Variants in GPALPP1 observed in about 807,000 individuals in gnomAD.
GPALPP1 encodes the protein GPALPP motifs-containing protein 1.
A neutral mutation model predicts 38.9 loss-of-function variants in GPALPP1; 30 were observed. That is an observed-to-expected ratio of 0.77 (90% CI 0.58 to 1.05). GPALPP1 has a LOEUF of 1.05. Among genes scored for constraint, GPALPP1 ranks in the 50% least tolerant of loss-of-function variants. GPALPP1 has a pLI of 0.00. For synonymous variants in GPALPP1, 120 were observed against 139.2 expected (o/e 0.86, Z 0.97); for missense variants, 384 against 408.8 (o/e 0.94, Z 0.52).
Position 45,015,431 on chromosome 13 carries a change from G to A in GPALPP1, c.541-1G>A. 1 of 1,545,626 alleles carries A rather than the reference G, an allele frequency of 6.5e-7. No homozygotes were observed. Among genetic ancestry groups the A allele is most frequent in the Middle Eastern group, 1.7e-4 (1 of 5,758 alleles). ...TGCTGTGTTTTTTTTTTCTCTTAAA[G>A]GATTCATCTAAACCCATTGTAAGAG... is the stretch of plus-strand genomic sequence containing the variant. On this transcript the variant is annotated splice_acceptor_variant, in intron 5 of 7. Transcript: ENST00000379151. LOFTEE classifies it high-confidence loss of function.
In GPALPP1 at chr13:45,027,940, A is replaced by C. The variant is rs146868231; in HGVS notation, c.960A>C (p.Leu320=). 2 of 1,611,722 alleles carry C rather than the reference A, an allele frequency of 1.2e-6. No homozygotes were observed. Among genetic ancestry groups the C allele is most frequent in the South Asian group, 1.1e-5 (1 of 91,008 alleles). The change falls in exon 8 of 8, where the codon CTA becomes CTC. Residue 320 remains leucine, a synonymous_variant. Coordinates refer to ENST00000379151, the MANE Select transcript of GPALPP1 (RefSeq NM_018559.5). The stretch of plus-strand genomic sequence containing the variant: ...TTGATGAAGCTCAGAAAAAAGCCCT[A>C]ATAAAAAAATCTAGAGAACTAAACA... ...NRFDEAQKKA[L]IKKSRELNTR...
At chr13:44,998,758 C>G (rs775461264) in intron 1 of GPALPP1, among the ~76,000 whole-genome samples, 1 of 152,128 alleles carries the variant, frequency 6.6e-6, no homozygotes, top group Non-Finnish European at 1.5e-5. Context: ...ATGATTTAAC[C>G]ATGTCATGGG....
chr13:45,022,352 T>C (rs982174676), intron 7 of GPALPP1, among the ~76,000 whole-genome samples: 6 of 152,150 alleles, frequency 3.9e-5, no homozygotes, highest in African/African-American at 1.4e-4. Flanking sequence ...CAGATTTTGA[T>C]TGGAGTTTGA....
intron 1 of GPALPP1, among the ~76,000 whole-genome samples, chr13:44,991,366 G>A (rs1566069442): frequency 6.6e-6 from 1 of 151,756 alleles, no homozygotes; most frequent in Non-Finnish European, 1.5e-5. Flanking sequence ...AGAATTGCTT[G>A]AACCTGGGAG....
intron 1 of GPALPP1, among the ~76,000 whole-genome samples, chr13:44,991,633 T>C (rs545219517): frequency 6.6e-6 from 1 of 152,342 alleles, no homozygotes; most frequent in Non-Finnish European, 1.5e-5. Flanking sequence ...ATATCATTTT[T>C]ATTTCATCTA....
chr13:45,006,003 G>A (rs1232655478), intron 2 of GPALPP1, among the ~76,000 whole-genome samples, 199 bp from the exon 3 acceptor site: 2 of 148,650 alleles, frequency 1.3e-5, no homozygotes, highest in Non-Finnish European at 3.0e-5. Flanking sequence ...TCCAGCCTGG[G>A]CAACAAGGCA....
intron 1 of GPALPP1, among the ~76,000 whole-genome samples, chr13:44,995,523 T>C (rs190446393): frequency 2.7e-3 from 415 of 152,328 alleles, no homozygotes; most frequent in Admixed American, 8.0e-3. Context: ...TTCAATGTTC[T>C]AGCCAGTCTC....
chr13:45,020,101 G>A (rs1207834366), intron 6 of GPALPP1, among the ~76,000 whole-genome samples: 5 of 151,772 alleles, frequency 3.3e-5, no homozygotes, highest in African/African-American at 4.8e-5. Context: ...GGCTGGTCTC[G>A]AACTCGTCAC....
At chr13:45,011,546 G>C (rs904608089) in intron 4 of GPALPP1, among the ~76,000 whole-genome samples, 5 of 152,082 alleles carry the variant, frequency 3.3e-5, no homozygotes, top group Non-Finnish European at 7.3e-5. Context: ...CCAGCGAAGG[G>C]GGAAGCCCCT....
intron 2 of GPALPP1, among the ~76,000 whole-genome samples, chr13:45,004,765 A>C (rs1431275359): frequency 6.6e-6 from 1 of 151,984 alleles, no homozygotes; most frequent in Non-Finnish European, 1.5e-5. Context: ...CTCCCACCTC[A>C]GTCTTCTGAG....
At chr13:45,012,477 A>G (rs1430946204) in intron 4 of GPALPP1, among the ~76,000 whole-genome samples, 2 of 152,228 alleles carry the variant, frequency 1.3e-5, no homozygotes, top group East Asian at 3.8e-4. Flanking sequence ...CACTCATCTT[A>G]GCACTTTTAT....
chr13:45,004,059 A>C (rs563625509), intron 1 of GPALPP1, among the ~76,000 whole-genome samples: 3 of 152,224 alleles, frequency 2.0e-5, no homozygotes, highest in Non-Finnish European at 1.5e-5. Flanking sequence ...TCGGGTTTAT[A>C]AGTTCAGATA....
chr13:45,011,466 A>G (rs903166694), intron 4 of GPALPP1, among the ~76,000 whole-genome samples: 3 of 152,194 alleles, frequency 2.0e-5, no homozygotes, highest in Non-Finnish European at 1.5e-5. Context: ...CAGGAAACCT[A>G]CAATCACGGT....
At chr13:44,995,594 C>T (rs1873211134) in intron 1 of GPALPP1, among the ~76,000 whole-genome samples, 1 of 152,176 alleles carries the variant, frequency 6.6e-6, no homozygotes, top group Non-Finnish European at 1.5e-5. Context: ...GACTAAATTA[C>T]CCCCTAAGTC....
At chr13:44,994,217 C>CAAA (rs1165851530) in intron 1 of GPALPP1, among the ~76,000 whole-genome samples, 20 of 61,422 alleles carry the variant, frequency 3.3e-4, no homozygotes, top group African/African-American at 6.2e-4. Context: ...GACCCTGTCT[C>CAAA]AAAAAAAAAA....
At chr13:45,026,720 G>A (rs76538057) in intron 7 of GPALPP1, among the ~76,000 whole-genome samples, 4,223 of 152,146 alleles carry the variant, frequency 0.028, 197 homozygotes, top group African/African-American at 0.093. Flanking sequence ...TCAATAAAAG[G>A]TAAAATACCC....
chr13:45,004,618 CAGCT>C (rs1343391164), intron 2 of GPALPP1, among the ~76,000 whole-genome samples, 181 bp downstream of exon 2: 1 of 152,100 alleles, frequency 6.6e-6, no homozygotes, highest in African/African-American at 2.4e-5. Flanking sequence ...TAGTAGTTTG[CAGCT>C]ATAGAGATAT....
intron 6 of GPALPP1, among the ~76,000 whole-genome samples, chr13:45,018,250 A>T (rs1329482778): frequency 6.6e-6 from 1 of 152,088 alleles, no homozygotes; most frequent in African/African-American, 2.4e-5. Context: ...ACAAAAAATT[A>T]GCCAGGCGTG....
At chr13:45,024,475 T>A (rs1292036366) in intron 7 of GPALPP1, among the ~76,000 whole-genome samples, 2 of 151,830 alleles carry the variant, frequency 1.3e-5, no homozygotes, top group African/African-American at 4.8e-5. Context: ...ATTTTTGTAT[T>A]TCTAGTAGAG....
Sources: gnomAD v4.1 joint callset for allele counts (sites outside exome capture counted in the v4.1 genomes callset) on GRCh38, gnomAD v4.1.1 for gene constraint, MANE v1.5 for transcripts, NCBI Gene and HGNC (gene_info 2026-07-23, HGNC 2026-07-21) for gene names.